The following SMYD3 variants were observed in gnomAD, a reference collection of about 807,000 sequenced individuals.
The protein encoded by SMYD3 is SET and MYND domain containing 3.
SMYD3 carries 36 observed loss-of-function variants against 57.7 expected under a neutral mutation model. The ratio of observed to expected loss-of-function variants is 0.62; its 90% CI spans 0.48 to 0.82. The LOEUF (loss-of-function observed/expected upper bound fraction) is 0.82, where lower values mean the gene tolerates loss of function less well. SMYD3 is among the 40% of genes least tolerant of loss of function. SMYD3 has a pLI of 0.00. For synonymous variants in SMYD3, 211 were observed against 195.0 expected (o/e 1.08, Z -0.68); for missense variants, 515 against 538.8 (o/e 0.96, Z 0.44).
At chr1:245,786,076 C>CT (rs11457106) in intron 10 of SMYD3, among the ~76,000 whole-genome samples, 51,180 of 123,208 alleles carry the variant, frequency 0.42, 11,297 homozygotes, top group East Asian at 0.87. Context: ...AGAAGTTTTG[C>CT]TTTTTTTTTT....
intron 1 of SMYD3, among the ~76,000 whole-genome samples, chr1:246,422,668 C>T (rs563419597): frequency 5.9e-5 from 9 of 152,234 alleles, no homozygotes; most frequent in East Asian, 3.9e-4. Context: ...GTGATCCACC[C>T]GCCTGAGCCT....
intron 1 of SMYD3, among the ~76,000 whole-genome samples, chr1:246,448,395 A>G (rs940962996): frequency 2.0e-5 from 3 of 152,082 alleles, no homozygotes; most frequent in African/African-American, 7.3e-5. Flanking sequence ...TCATTATCCT[A>G]TGAAAACAGA....
chr1:246,505,076 T>G (rs1313283366), intron 1 of SMYD3, among the ~76,000 whole-genome samples: 1 of 152,216 alleles, frequency 6.6e-6, no homozygotes, highest in East Asian at 1.9e-4. Context: ...CCAAAGTAAG[T>G]GCAAATATTT....
chr1:246,078,168 T>C lies in SMYD3; in HGVS notation c.532-148231A>G, dbSNP rs150984989. On this transcript the variant is annotated intron_variant, in intron 5 of 11. Coordinates refer to ENST00000490107, the MANE Select transcript of SMYD3 (RefSeq NM_001167740.2). ...TCTCCCCTGCCCCAAACACTCCTTA[T>C]TGGGCTATTGTTATCCCAGTTTCAC... Among the ~76,000 whole-genome samples, 1,231 of 152,272 alleles carry C rather than the reference T, an allele frequency of 8.1e-3. 19 individuals carry two copies. Among genetic ancestry groups the C allele is most frequent in the African/African-American group, 0.028 (1,182 of 41,566 alleles).
In SMYD3 at chr1:246,240,171, T is replaced by C. The variant is rs1347178323; in HGVS notation, c.531+87030A>G. Among the ~76,000 whole-genome samples, 5 of 152,202 alleles carry C rather than the reference T, an allele frequency of 3.3e-5. 1 individual carries two copies. Among genetic ancestry groups the C allele is most frequent in the South Asian group, 4.1e-4 (2 of 4,826 alleles). ...TAGTCATGAAGTCCTTGCCCCTCCC[T>C]AGGTCCTGAATGGTATTGCCTAGGT... On this transcript the variant is annotated intron_variant, in intron 5 of 11. Transcript: ENST00000490107.
At chr1:246,280,544 G>T (rs145892835) in intron 5 of SMYD3, among the ~76,000 whole-genome samples, 81 of 152,242 alleles carry the variant, frequency 5.3e-4, no homozygotes, top group African/African-American at 1.8e-3. Flanking sequence ...GATTGCTTGA[G>T]CCCAGGCGTT....
chr1:246,249,798 C>A (rs1036083709), intron 5 of SMYD3, among the ~76,000 whole-genome samples: 5 of 152,200 alleles, frequency 3.3e-5, no homozygotes, highest in Admixed American at 6.5e-5. Context: ...ACTGTAATAT[C>A]TGCTTTGGCA....
rs1211666657 is a variant in SMYD3 at position 246,363,156 on chromosome 1, G to A, written c.165-8062C>T. Reference sequence around the variant, plus strand: ...AGCCCCTCCGCCCGGCAGCCGCCCCGTCTGAGAAGTGAGGAGCCCCTCCGC... The same window carrying A: ...AGCCCCTCCGCCCGGCAGCCGCCCCATCTGAGAAGTGAGGAGCCCCTCCGC... On this transcript the variant is annotated intron_variant, in intron 1 of 11. Transcript: ENST00000490107. Among the ~76,000 whole-genome samples, 5 of 149,892 alleles carry A rather than the reference G, an allele frequency of 3.3e-5. No homozygotes were observed. In the East Asian group the frequency reaches 6.0e-4, roughly 18 times the overall value.
chr1:245,795,459 C>T (rs763837097), intron 10 of SMYD3, among the ~76,000 whole-genome samples: 2 of 152,236 alleles, frequency 1.3e-5, no homozygotes, highest in Non-Finnish European at 2.9e-5. Context: ...AATTCCCAGC[C>T]ATTTTGCCTC....
At chr1:246,171,927 C>T (rs1217761641) in intron 5 of SMYD3, among the ~76,000 whole-genome samples, 2 of 152,224 alleles carry the variant, frequency 1.3e-5, no homozygotes, top group Non-Finnish European at 2.9e-5. Context: ...AAGAGAATTG[C>T]TTGAGCCCAG....
intron 5 of SMYD3, among the ~76,000 whole-genome samples, chr1:246,087,966 G>A (rs548825465): frequency 9.2e-5 from 14 of 151,972 alleles, no homozygotes; most frequent in African/African-American, 2.9e-4. Flanking sequence ...TTCTAACTAA[G>A]CTTTTATTGA....
intron 5 of SMYD3, among the ~76,000 whole-genome samples, chr1:246,235,546 G>A (rs1039829636): frequency 1.4e-5 from 2 of 145,332 alleles, no homozygotes; most frequent in African/African-American, 4.9e-5. Context: ...AGACAGGTAG[G>A]TAGACAGACA....
chr1:245,772,007 C>T (rs922837755), intron 10 of SMYD3, among the ~76,000 whole-genome samples: 5 of 152,216 alleles, frequency 3.3e-5, no homozygotes, highest in Admixed American at 3.3e-4. Context: ...TGAATCACTG[C>T]TTCTCCATCA....
At chr1:245,865,350 C>T (rs9287188) in intron 8 of SMYD3, among the ~76,000 whole-genome samples, 82,505 of 151,906 alleles carry the variant, frequency 0.54, 25,340 homozygotes, top group Non-Finnish European at 0.71. Context: ...TAAAAACCAA[C>T]GAAAAGTAGG....
At chr1:245,862,501 C>CT (rs67392373) in intron 9 of SMYD3, among the ~76,000 whole-genome samples, 1 of 151,646 alleles carries the variant, frequency 6.6e-6, no homozygotes, top group African/African-American at 2.4e-5. Context: ...CTTTTGAACT[C>CT]TTTTTTTTCT....
At chr1:245,973,425 C>T (rs747822819) in intron 5 of SMYD3, among the ~76,000 whole-genome samples, 4 of 152,180 alleles carry the variant, frequency 2.6e-5, no homozygotes, top group Non-Finnish European at 4.4e-5. Flanking sequence ...GTGAAACCAA[C>T]GAGGTACCAG....
chr1:246,186,359 G>A (rs1353044104), intron 5 of SMYD3, among the ~76,000 whole-genome samples: 1 of 152,108 alleles, frequency 6.6e-6, no homozygotes, highest in Non-Finnish European at 1.5e-5. Flanking sequence ...TGCATTTTAT[G>A]GACAAGAACC....
intron 5 of SMYD3, among the ~76,000 whole-genome samples, chr1:246,138,565 G>A (rs71533460): frequency 0.016 from 1,287 of 80,258 alleles, 160 homozygotes; most frequent in African/African-American, 0.034. Context: ...AGCTGGGACT[G>A]CAGGCTCCCG....
chr1:246,394,464 G>C (rs538525645), intron 1 of SMYD3, among the ~76,000 whole-genome samples: 1 of 152,324 alleles, frequency 6.6e-6, no homozygotes, highest in South Asian at 2.1e-4. Context: ...GGAACCTATG[G>C]CAGAGGCCGA....
Sources: allele counts gnomAD v4.1 joint callset (sites outside exome capture counted in the v4.1 genomes callset), GRCh38; gene constraint gnomAD v4.1.1; transcripts MANE v1.5; gene names NCBI Gene and HGNC (gene_info 2026-07-23, HGNC 2026-07-21).